The following ZBTB20 variants were observed in gnomAD, a reference collection of about 807,000 sequenced individuals.
ZBTB20 encodes zinc finger and BTB domain containing 20, also known as zinc finger and BTB domain-containing protein 20.
In ZBTB20, 9 loss-of-function variants were observed where a neutral mutation model predicts 56.9. The observed-to-expected ratio is 0.16, with a 90% CI of 0.10 to 0.28. The LOEUF is 0.28. Ranked by LOEUF, ZBTB20 falls within the 10% of genes least tolerant of loss-of-function variation. The pLI is 1.00. For missense variants in ZBTB20, 655 were observed against 1,003.0 expected (o/e 0.65, Z 4.69); for synonymous variants, 417 against 420.7 (o/e 0.99, Z 0.11).
At chr3:114,623,468 T>C (rs904508980) in intron 6 of ZBTB20, among the ~76,000 whole-genome samples, 12 of 152,140 alleles carry the variant, frequency 7.9e-5, no homozygotes, top group Admixed American at 4.6e-4. Flanking sequence ...AGGATTCTCA[T>C]TGCATTCTTC....
At chr3:115,066,505 T>C (rs2082212705) in intron 2 of ZBTB20, among the ~76,000 whole-genome samples, 1 of 152,166 alleles carries the variant, frequency 6.6e-6, no homozygotes, top group Admixed American at 6.6e-5. Context: ...TGATTTCCAT[T>C]AATTGTCTTC....
intron 2 of ZBTB20, among the ~76,000 whole-genome samples, chr3:115,046,160 T>A (rs1296269160): frequency 6.6e-6 from 1 of 152,164 alleles, no homozygotes; most frequent in Non-Finnish European, 1.5e-5. Context: ...GCAATAAGCA[T>A]CAACCCAGAG....
chr3:114,886,447 T>C (rs2076604243), intron 4 of ZBTB20, among the ~76,000 whole-genome samples: 3 of 152,242 alleles, frequency 2.0e-5, no homozygotes, highest in Non-Finnish European at 4.4e-5. Flanking sequence ...TTTGTCCATC[T>C]ACGACACTAA....
At chr3:115,049,790 A>G (rs1001237665) in intron 2 of ZBTB20, among the ~76,000 whole-genome samples, 1 of 152,168 alleles carries the variant, frequency 6.6e-6, no homozygotes, top group African/African-American at 2.4e-5. Flanking sequence ...AGTAGTATTT[A>G]GGAAAGATTT....
At chr3:114,663,289 T>A (rs1164340312) in intron 6 of ZBTB20, among the ~76,000 whole-genome samples, 7 of 151,176 alleles carry the variant, frequency 4.6e-5, no homozygotes, top group Admixed American at 1.3e-4. Flanking sequence ...AGCCAAACTA[T>A]GCTTCATAAG....
chr3:114,948,176 A>G (rs112165687), intron 3 of ZBTB20, among the ~76,000 whole-genome samples: 3,084 of 145,572 alleles, frequency 0.021, 153 homozygotes, highest in South Asian at 0.035. Flanking sequence ...TTAAATAACA[A>G]AAATCCTATG....
intron 2 of ZBTB20, among the ~76,000 whole-genome samples, chr3:114,992,378 T>A (rs898029783): frequency 2.0e-5 from 3 of 151,962 alleles, no homozygotes; most frequent in Admixed American, 6.6e-5. Flanking sequence ...CTATTAAAAG[T>A]CAAGACAGGG....
intron 6 of ZBTB20, among the ~76,000 whole-genome samples, chr3:114,635,428 T>C (rs1443870029): frequency 6.6e-6 from 1 of 151,726 alleles, no homozygotes; most frequent in Non-Finnish European, 1.5e-5. Flanking sequence ...ACACAAAGAG[T>C]CATCTCCAAT....
At chr3:115,104,831 G>C (rs1391987117) in intron 1 of ZBTB20, among the ~76,000 whole-genome samples, 1 of 152,116 alleles carries the variant, frequency 6.6e-6, no homozygotes, top group Non-Finnish European at 1.5e-5. Flanking sequence ...ACAACACCAA[G>C]AGTGAACCTT....
At position 114,318,719 on chromosome 3, in the gene ZBTB20, T is replaced by C. The variant is rs895088840; in HGVS notation, c.*20286A>G. The C allele has an allele frequency of 1.3e-5, 2 of 152,166 alleles. No individual in the cohort carries two copies. The highest frequency in any genetic ancestry group is 2.9e-5 in the Non-Finnish European group (2 of 68,020). 9.4% of individuals were successfully genotyped at this position (152,166 alleles called of 1,614,324 possible). A position where few individuals can be genotyped will look rare whatever the true frequency, so the allele number is the denominator to read the frequency against. On this transcript the variant is annotated 3_prime_UTR_variant, in exon 12 of 12. Coordinates refer to ENST00000675478, the MANE Select transcript of ZBTB20 (RefSeq NM_001348800.3). ...GCACAGCAGGATTTCAGAAACAAAT[T>C]TAACTTTGGTTTTCCAACTTTTTCA...
intron 5 of ZBTB20, among the ~76,000 whole-genome samples, chr3:114,746,166 T>C (rs918696541): frequency 2.6e-5 from 4 of 152,194 alleles, no homozygotes; most frequent in African/African-American, 7.2e-5. Context: ...GAAGACAGTG[T>C]TCTTCCCACC....
chr3:114,683,674 TC>T, intron 6 of ZBTB20, among the ~76,000 whole-genome samples: 1 of 152,154 alleles, frequency 6.6e-6, no homozygotes, highest in South Asian at 2.1e-4. Flanking sequence ...GTTGAGAGTT[TC>T]CCCAGGGCAT....
intron 5 of ZBTB20, among the ~76,000 whole-genome samples, chr3:114,755,747 T>C (rs2067964879): frequency 6.6e-6 from 1 of 152,130 alleles, no homozygotes; most frequent in Non-Finnish European, 1.5e-5. Context: ...CCAGGGAAGG[T>C]ACTGCTTCTG....
intron 1 of ZBTB20, among the ~76,000 whole-genome samples, chr3:115,106,358 C>T (rs529708707): frequency 2.5e-3 from 379 of 151,552 alleles, no homozygotes; most frequent in African/African-American, 8.8e-3. Flanking sequence ...CTCAGCCTCC[C>T]GAGTAGCTGG....
chr3:114,592,532 G>T (rs557873151), intron 6 of ZBTB20, among the ~76,000 whole-genome samples: 33 of 152,270 alleles, frequency 2.2e-4, no homozygotes, highest in African/African-American at 7.9e-4. Flanking sequence ...AGACAATGAA[G>T]GTAAATGTGA....
At chr3:114,349,557 C>A (rs1166224561) in intron 11 of ZBTB20, among the ~76,000 whole-genome samples, 1 of 152,204 alleles carries the variant, frequency 6.6e-6, no homozygotes, top group African/African-American at 2.4e-5. Flanking sequence ...TAAAGGCAGT[C>A]TATCTGATAT....
chr3:114,624,713 G>A (rs926612447), intron 6 of ZBTB20, among the ~76,000 whole-genome samples: 3 of 152,126 alleles, frequency 2.0e-5, no homozygotes, highest in African/African-American at 7.2e-5. Flanking sequence ...GTTCAGGGAA[G>A]GGGGGAAGGG....
chr3:114,762,635 G>A (rs754143159), intron 5 of ZBTB20, among the ~76,000 whole-genome samples: 1 of 152,130 alleles, frequency 6.6e-6, no homozygotes, highest in Non-Finnish European at 1.5e-5. Context: ...GATATTGGCT[G>A]AGATATTTTG....
chr3:114,737,424 A>G (rs904429325), intron 5 of ZBTB20, among the ~76,000 whole-genome samples: 3 of 152,214 alleles, frequency 2.0e-5, no homozygotes, highest in Non-Finnish European at 2.9e-5. Context: ...CATGCCTGAT[A>G]GAATAAACTA....
Sources: allele counts gnomAD v4.1 joint callset (sites outside exome capture counted in the v4.1 genomes callset), GRCh38; gene constraint gnomAD v4.1.1; transcripts MANE v1.5; gene names NCBI Gene and HGNC (gene_info 2026-07-23, HGNC 2026-07-21).